Variants in FRMD4B observed in about 807,000 individuals in gnomAD.
The protein encoded by FRMD4B is FERM domain containing 4B, also known as FERM domain-containing protein 4B.
Under a neutral mutation model 141.5 loss-of-function variants are expected in FRMD4B, and 74 were observed. The ratio of observed to expected loss-of-function variants is 0.52; its 90% confidence interval spans 0.43 to 0.63. The LOEUF (loss-of-function observed/expected upper bound fraction) is 0.63. Among genes scored for constraint, FRMD4B ranks in the 30% least tolerant of loss-of-function variants. The pLI, the probability that FRMD4B is intolerant of heterozygous loss-of-function variation, is 0.00. For synonymous variants in FRMD4B, 506 were observed against 467.9 expected, an observed-to-expected ratio of 1.08 and a Z score of -1.05; for missense variants, 1,366 against 1,253.4, an observed-to-expected ratio of 1.09 and a Z score of -1.36.
chr3:69,504,476 C>G (rs1290036131), intron 1 of FRMD4B, among the ~76,000 whole-genome samples: 1 of 152,154 alleles, frequency 6.6e-6, no homozygotes, highest in Non-Finnish European at 1.5e-5. Context: ...CATCCCCAAA[C>G]CACCCCTCCC....
rs200237674 is a variant in FRMD4B, at chr3:69,181,471, G to C, written c.2279C>G (p.Thr760Ser). The C allele has an allele frequency of 8.2e-5, 132 of 1,613,898 alleles. No homozygotes were observed. The highest frequency in any genetic ancestry group is 2.8e-4 in the Admixed American group (17 of 60,018). Residue 760 changes from threonine to serine, a missense_variant, in exon 21 of 23, where the codon ACC becomes AGC. Thr to Ser is a moderately conservative substitution (Grantham distance 58). Coordinates refer to ENST00000398540, the MANE Select transcript of FRMD4B (RefSeq NM_015123.3). ...TTTCTTTGACCTCCTCCGACCCCTG[G>C]TGCGAGTGTCCAGGGTCTGGGTGGT... ...YYTTQTLDTR[T>S]RGRRRSKKQN...
intron 3 of FRMD4B, 38 bp from the exon 4 acceptor site, chr3:69,302,473 A>T: frequency 8.0e-7 from 1 of 1,253,140 alleles, no homozygotes; most frequent in South Asian, 1.3e-5. Flanking sequence ...TTCAACAGAA[A>T]GTCAGAAAAG....
At chr3:69,286,349 T>C (rs1209906896) in intron 5 of FRMD4B, among the ~76,000 whole-genome samples, 4 of 152,224 alleles carry the variant, frequency 2.6e-5, no homozygotes, top group Admixed American at 2.6e-4. Context: ...AAGTAAATTG[T>C]ATGACATCAA....
intron 7 of FRMD4B, among the ~76,000 whole-genome samples, chr3:69,229,843 C>T (rs1010563217): frequency 2.6e-5 from 4 of 151,986 alleles, no homozygotes; most frequent in African/African-American, 7.2e-5. Context: ...GTAGCTGGGA[C>T]TACAGGTGTA....
At chr3:69,383,876 G>T (rs1487425317) in intron 1 of FRMD4B, among the ~76,000 whole-genome samples, 2 of 152,122 alleles carry the variant, frequency 1.3e-5, no homozygotes, top group African/African-American at 4.8e-5. Context: ...TTTTCTTCGT[G>T]CTAGAAACAT....
chr3:69,265,267 AAAATATATAT>A (rs2093554246), intron 5 of FRMD4B, among the ~76,000 whole-genome samples: 2 of 23,712 alleles, frequency 8.4e-5, no homozygotes, highest in Admixed American at 5.4e-4. Context: ...AAAAAAAAAA[AAAATATATAT>A]ATATATATAT....
At chr3:69,188,893 C>T (rs2107624578) in intron 18 of FRMD4B, among the ~76,000 whole-genome samples, 1 of 151,742 alleles carries the variant, frequency 6.6e-6, no homozygotes, top group Middle Eastern at 3.4e-3. Context: ...CAAAGAAACA[C>T]TCTATTAGTT....
In FRMD4B at chr3:69,267,589, GTGTGTGTATATATATATATATATATATA is replaced by G. The variant is rs200614793; in HGVS notation, c.502-17518_502-17491del. 2.7e-3 allele frequency among the ~76,000 whole-genome samples: 276 copies of G among 101,250 alleles called. 12 individuals are homozygous for G. Among genetic ancestry groups the G allele is most frequent in the Middle Eastern group, 5.5e-3 (1 of 182 alleles). 66.4% of individuals were successfully genotyped at this position (101,250 alleles called of 152,430 possible). On this transcript the variant is annotated intron_variant, in intron 5 of 22. Coordinates refer to ENST00000398540, the MANE Select transcript of FRMD4B (RefSeq NM_015123.3). ...TACATATATATATATGTGTGTGTGT[GTGTGTGTATATATATATATATATATATA>G]TATATATATATATATATATAGAGAG...
At chr3:69,365,658 G>A (rs756073477) in intron 1 of FRMD4B, among the ~76,000 whole-genome samples, 4 of 151,894 alleles carry the variant, frequency 2.6e-5, no homozygotes, top group Non-Finnish European at 5.9e-5. Context: ...ACTTCACCAC[G>A]CCTGGCTAAT....
At chr3:69,431,834 G>A (rs1040224109) in intron 2 of FRMD4B, among the ~76,000 whole-genome samples, 1 of 152,174 alleles carries the variant, frequency 6.6e-6, no homozygotes, top group South Asian at 2.1e-4. Flanking sequence ...ATAAAATGCT[G>A]TTCCTAACTG....
chr3:69,379,980 G>A (rs1704072995), intron 1 of FRMD4B, among the ~76,000 whole-genome samples: 1 of 152,240 alleles, frequency 6.6e-6, no homozygotes, highest in African/African-American at 2.4e-5. Flanking sequence ...AGAGCGAAGG[G>A]TGAGAGCAAG....
chr3:69,531,729 A>G (rs565979349), intron 1 of FRMD4B, among the ~76,000 whole-genome samples: 10 of 152,352 alleles, frequency 6.6e-5, no homozygotes, highest in African/African-American at 2.4e-4. Context: ...AGATCCAAAA[A>G]AGACCAAAGA....
At chr3:69,382,653 C>T (rs1220379904) in intron 1 of FRMD4B, among the ~76,000 whole-genome samples, 1 of 152,064 alleles carries the variant, frequency 6.6e-6, no homozygotes, top group East Asian at 1.9e-4. Context: ...TCATCCCATA[C>T]TCTGTGCCAA....
intron 1 of FRMD4B, among the ~76,000 whole-genome samples, chr3:69,340,405 A>G (rs1702699712): frequency 6.6e-6 from 1 of 152,170 alleles, no homozygotes; most frequent in Non-Finnish European, 1.5e-5. Context: ...TACAAGTGAG[A>G]ACATATGATA....
intron 1 of FRMD4B, among the ~76,000 whole-genome samples, chr3:69,346,100 T>C (rs1702930249): frequency 6.6e-6 from 1 of 151,918 alleles, no homozygotes; most frequent in Admixed American, 6.6e-5. Context: ...ATTAGACAAA[T>C]GGCTAACTAG....
At chr3:69,294,625 C>G (rs1465935176) in intron 4 of FRMD4B, among the ~76,000 whole-genome samples, 1 of 152,202 alleles carries the variant, frequency 6.6e-6, no homozygotes, top group African/African-American at 2.4e-5. Flanking sequence ...TTGCTCCTTT[C>G]CCACAGCATG....
At chr3:69,247,817 T>C (rs906959113) in intron 7 of FRMD4B, among the ~76,000 whole-genome samples, 5 of 152,096 alleles carry the variant, frequency 3.3e-5, no homozygotes, top group African/African-American at 1.2e-4. Context: ...CCCAGCTAAT[T>C]TTTTTGTATT....
chr3:69,194,813 C>G (rs1436731044), intron 16 of FRMD4B, among the ~76,000 whole-genome samples: 1 of 152,100 alleles, frequency 6.6e-6, no homozygotes, highest in Non-Finnish European at 1.5e-5. Flanking sequence ...CACTGAATGC[C>G]TATGATTTGG....
At chr3:69,175,977 T>C (rs1443690335) in intron 22 of FRMD4B, among the ~76,000 whole-genome samples, 5 of 151,994 alleles carry the variant, frequency 3.3e-5, no homozygotes, top group Non-Finnish European at 7.4e-5. Flanking sequence ...AGATGGGGTT[T>C]CACCGTGTTA....
Sources: allele counts gnomAD v4.1 joint callset (sites outside exome capture counted in the v4.1 genomes callset), GRCh38; gene constraint gnomAD v4.1.1; transcripts MANE v1.5; gene names NCBI Gene and HGNC (gene_info 2026-07-23, HGNC 2026-07-21).